IZUMO2: variants seen among roughly 807,000 people sequenced by gnomAD.
IZUMO2 encodes IZUMO family member 2, also known as izumo sperm-egg fusion protein 2.
Under a neutral mutation model 31.2 loss-of-function variants are expected in IZUMO2, and 24 were observed. The observed-to-expected ratio is 0.77, with a 90% confidence interval of 0.56 to 1.08. The LOEUF (loss-of-function observed/expected upper bound fraction) is 1.08, where lower values mean the gene tolerates loss of function less well. IZUMO2 is among the 50% of genes least tolerant of loss of function. IZUMO2 has a pLI of 0.00. For missense variants in IZUMO2, 278 were observed against 274.0 expected (o/e 1.01, Z -0.10); for synonymous variants, 144 against 117.3 (o/e 1.23, Z -1.47).
At chr19:50,159,695 C>A (rs1484418905) in intron 2 of IZUMO2, 115 bp from the exon 3 acceptor site, 8 of 678,948 alleles carry the variant, frequency 1.2e-5, no homozygotes, top group Non-Finnish European at 2.1e-5. Flanking sequence ...AAAGGGTAAC[C>A]AAGACCAGGA....
Position 50,163,218 on chromosome 19 carries a change from G to A in IZUMO2, c.-24C>T. 4 of 1,529,214 alleles carry A rather than the reference G, an allele frequency of 2.6e-6. No individual in the cohort carries two copies. The highest frequency in any genetic ancestry group is 3.5e-6 in the Non-Finnish European group (4 of 1,131,736). 94.7% of individuals were successfully genotyped at this position (1,529,214 alleles called of 1,614,324 possible). A position where few individuals can be genotyped will look rare whatever the true frequency, so the allele number is the denominator to read the frequency against. ...ATGGCGGGGCCTTTGTGACGTCACA[G>A]AGAGAACCCGGCCCGCCCCGCCTCC... is the stretch of plus-strand genomic sequence containing the variant. On this transcript the variant is annotated 5_prime_UTR_variant, in exon 1 of 7. Coordinates refer to ENST00000293405, the MANE Select transcript of IZUMO2 (RefSeq NM_152358.3).
rs750067580 is a variant in IZUMO2 at position 50,152,651 on chromosome 19, C to T, written c.624G>A (p.Ser208=). ...AVFVFVVIVV[S]ACTYRQNRKL... ...TTCGGTTTTGTCTGTATGTACAAGC[C>T]CTGGTCAGAGAGAAAAAGCCTGTAG... Residue 208 remains serine (S), a splice_region_variant and synonymous_variant, in exon 7 of 7, where the codon TCG becomes TCA. Transcript: ENST00000293405. 11 of 1,612,784 alleles carry T rather than the reference C, an allele frequency of 6.8e-6. No homozygotes were observed. Among genetic ancestry groups the T allele is most frequent in the South Asian group, 2.2e-5 (2 of 91,058 alleles).
At chr19:50,157,495 G>T (rs1407850099) in intron 5 of IZUMO2, among the ~76,000 whole-genome samples, 1 of 150,854 alleles carries the variant, frequency 6.6e-6, no homozygotes, top group Non-Finnish European at 1.5e-5. Context: ...GTAGAGACGG[G>T]GTTTCACTAT....
chr19:50,152,730 C>T, intron 6 of IZUMO2, 79 bp from the exon 7 acceptor site: 1 of 1,212,732 alleles, frequency 8.2e-7, no homozygotes, highest in South Asian at 1.2e-5. Flanking sequence ...AACTTCCCTC[C>T]CCATAACTTT....
At position 50,152,699 on chromosome 19, in the gene IZUMO2, T is replaced by C. The variant is rs2030068059; in HGVS notation, c.624-48A>G. 6 of 1,516,376 alleles carry C rather than the reference T, an allele frequency of 4.0e-6. No homozygotes were observed. The East Asian group carries it at 1.4e-4, about 34-fold the overall frequency. The allele number at this position is 1,516,376 out of a possible 1,614,324, so 93.9% of individuals were successfully genotyped here. On this transcript the variant is annotated intron_variant, in intron 6 of 6. Coordinates refer to ENST00000293405, the MANE Select transcript of IZUMO2 (RefSeq NM_152358.3). ...TAGATTAGAATGAGAATTTCAAGCT[T>C]TTCCAGATCAAGAGACCCATAACTT...
intron 5 of IZUMO2, among the ~76,000 whole-genome samples, chr19:50,157,119 C>A (rs2030235595): frequency 6.6e-6 from 1 of 152,036 alleles, no homozygotes; most frequent in Non-Finnish European, 1.5e-5. Context: ...TAATTGTTAA[C>A]ATAATTTGAT....
chr19:50,160,487 T>TC (rs771792641), intron 2 of IZUMO2: 1 of 151,870 alleles, frequency 6.6e-6, no homozygotes, highest in Non-Finnish European at 1.5e-5. Flanking sequence ...ACTAGAATTT[T>TC]TTTTTTTTTT....
At chr19:50,158,509 T>C (rs2030291014) in intron 4 of IZUMO2, among the ~76,000 whole-genome samples, 161 bp from the exon 5 acceptor site, 1 of 152,184 alleles carries the variant, frequency 6.6e-6, no homozygotes, top group Admixed American at 6.6e-5. Flanking sequence ...GCACTGACAA[T>C]TCACATAAAA....
rs1163268130 is a variant in IZUMO2 at position 50,152,641 on chromosome 19, A to G, written c.634T>C (p.Tyr212His). Reference sequence around the variant, plus strand: ...AGCAGGAGTTTTCGGTTTTGTCTGTATGTACAAGCCCTGGTCAGAGAGAAA... The same window carrying G: ...AGCAGGAGTTTTCGGTTTTGTCTGTGTGTACAAGCCCTGGTCAGAGAGAAA... ...FVVIVVSACT[Y>H]RQNRKLLLQ Residue 212 changes from tyrosine to histidine, a missense_variant, in exon 7 of 7, where the codon TAC becomes CAC. Physicochemically the swap from Tyr to His is moderately conservative, Grantham distance 83. Transcript: ENST00000293405. 1.2e-6 allele frequency: 2 copies of G among 1,613,380 alleles called. No homozygotes were observed. Among genetic ancestry groups the G allele is most frequent in the East Asian group, 4.5e-5 (2 of 44,870 alleles).
In IZUMO2 at chr19:50,154,696, T is replaced by G; in HGVS notation, c.527A>C (p.Tyr176Ser). 1 of 1,613,932 alleles carries G rather than the reference T, an allele frequency of 6.2e-7. No individual in the cohort carries two copies. Among genetic ancestry groups the G allele is most frequent in the Non-Finnish European group, 8.5e-7 (1 of 1,179,966 alleles). The part of the protein sequence containing the change: ...VDRQPRVALQ[Y>S]QMDSKYPRNQ... Reference sequence around the variant, plus strand: ...CCTCGGGTATTTGCTGTCCATCTGGTACTGCAGGGCCACGCGGGGTTGCCG... The same window carrying G: ...CCTCGGGTATTTGCTGTCCATCTGGGACTGCAGGGCCACGCGGGGTTGCCG... The change falls in exon 6 of 7, where the codon TAC (tyrosine) becomes TCC (serine). Residue 176 changes from tyrosine (Y) to serine (S), a missense_variant. Physicochemically the swap from Tyr to Ser is moderately radical, Grantham distance 144 (BLOSUM62 -2). Transcript: ENST00000293405.
In IZUMO2 at chr19:50,160,949, A is replaced by G. The variant is rs73932424; in HGVS notation, c.308-1369T>C. 2.2e-3 allele frequency among the ~76,000 whole-genome samples: 341 copies of G among 152,126 alleles called. 1 individual carries two copies. Among genetic ancestry groups the G allele is most frequent in the African/African-American group, 7.8e-3 (324 of 41,512 alleles). On this transcript the variant is annotated intron_variant, in intron 2 of 6. Coordinates refer to ENST00000293405, the MANE Select transcript of IZUMO2 (RefSeq NM_152358.3). ...CCCAACTATCTGGTCAAGATATCCA[A>G]TTGGATGTCTAAGAGGCATCTCAAA...
At chr19:50,156,554 ACT>A (rs2030217372) in intron 5 of IZUMO2, among the ~76,000 whole-genome samples, 1 of 151,468 alleles carries the variant, frequency 6.6e-6, no homozygotes, top group African/African-American at 2.4e-5. Context: ...AAAGTGGGAC[ACT>A]CTATAGGACA....
intron 5 of IZUMO2, among the ~76,000 whole-genome samples, chr19:50,157,580 G>A (rs1241039619): frequency 6.6e-6 from 1 of 150,564 alleles, no homozygotes. Flanking sequence ...GGGATTACAG[G>A]CGTGAGCCAC....
At chr19:50,155,136 A>G (rs1423182923) in intron 5 of IZUMO2, among the ~76,000 whole-genome samples, 2 of 152,098 alleles carry the variant, frequency 1.3e-5, no homozygotes, top group Non-Finnish European at 2.9e-5. Flanking sequence ...AGGCATGGTG[A>G]GCTTGCGCCT....
intron 6 of IZUMO2, among the ~76,000 whole-genome samples, chr19:50,153,104 T>C (rs1259625526): frequency 6.6e-6 from 1 of 152,114 alleles, no homozygotes; most frequent in East Asian, 1.9e-4. Flanking sequence ...GGATGGGCCC[T>C]ACATCTAAAG....
chr19:50,159,298 A>G, intron 3 of IZUMO2, 48 bp from the exon 4 acceptor site: 3 of 1,597,042 alleles, frequency 1.9e-6, no homozygotes, highest in Non-Finnish European at 2.6e-6. Flanking sequence ...TGGCAACTTG[A>G]TAATTTAATT....
rs771738672 is a variant in IZUMO2, at chr19:50,158,232, C to G, written c.496+36G>C. On this transcript the variant is annotated intron_variant, in intron 5 of 6. Transcript: ENST00000293405. ...CATGGCTGTCTTCATCTCTTGCACG[C>G]CTGTCCCATGTCTTCCCCCACCCCC... 3 of 1,404,602 alleles carry G rather than the reference C, an allele frequency of 2.1e-6. No homozygotes were observed. In the South Asian group the frequency reaches 3.6e-5, roughly 17 times the overall value. The allele number at this position is 1,404,602 out of a possible 1,614,324, so 87.0% of individuals were successfully genotyped here.
chr19:50,157,910 T>TCAAAAAA (rs1262838532), intron 5 of IZUMO2, among the ~76,000 whole-genome samples: 4 of 110,822 alleles, frequency 3.6e-5, no homozygotes, highest in African/African-American at 1.2e-4. Context: ...AGAATCCATA[T>TCAAAAAA]AAAAAAAAAA....
At chr19:50,158,479 G>A in intron 4 of IZUMO2, 131 bp from the exon 5 acceptor site, 2 of 535,986 alleles carry the variant, frequency 3.7e-6, no homozygotes, top group East Asian at 6.0e-5. Flanking sequence ...CCACTGCCCA[G>A]CAGAGGAACT....
Sources: allele counts gnomAD v4.1 joint callset (sites outside exome capture counted in the v4.1 genomes callset), GRCh38; gene constraint gnomAD v4.1.1; transcripts MANE v1.5; gene names NCBI Gene and HGNC (gene_info 2026-07-23, HGNC 2026-07-21).